The following GNB1 variants were observed in gnomAD, a reference collection of about 807,000 sequenced individuals.
The protein encoded by GNB1 is G protein subunit beta 1.
GNB1 carries 2 observed loss-of-function variants against 42.9 expected under a neutral mutation model. That is an observed-to-expected ratio of 0.05 (90% confidence interval 0.02 to 0.15). The LOEUF is 0.15. Ranked by LOEUF, GNB1 falls within the 10% of genes least tolerant of loss-of-function variation. GNB1 has a pLI of 1.00. For synonymous variants in GNB1, 183 were observed against 174.7 expected (o/e 1.05, Z -0.38); for missense variants, 193 against 462.2 (o/e 0.42, Z 5.34).
intron 1 of GNB1, among the ~76,000 whole-genome samples, chr1:1,865,279 C>CCAA (rs962020126): frequency 1.6e-5 from 2 of 126,980 alleles, no homozygotes; most frequent in African/African-American, 6.0e-5. Context: ...AAAAAAAAAA[C>CCAA]AAAAAAAAAC....
At chr1:1,802,779 AGAC>A (rs969135639) in intron 7 of GNB1, among the ~76,000 whole-genome samples, 3 of 151,618 alleles carry the variant, frequency 2.0e-5, no homozygotes, top group African/African-American at 7.3e-5. Flanking sequence ...AAAAAAAAAA[AGAC>A]AATATGAAAC....
intron 1 of GNB1, among the ~76,000 whole-genome samples, chr1:1,872,405 G>A (rs555939713): frequency 1.8e-4 from 28 of 152,294 alleles, no homozygotes; most frequent in African/African-American, 5.5e-4. Flanking sequence ...CCATCTGCAC[G>A]AGGACCCTCA....
rs139407879 is a variant in GNB1 at position 1,859,830 on chromosome 1, C to T, written c.-95-20592G>A. ...TCGAGATCGACCATCCTTGCCAACA[C>T]GGTAAACCCCTGTTCTCTACTAAAA... On this transcript the variant is annotated intron_variant, in intron 1 of 11. Transcript: ENST00000378609. Among the ~76,000 whole-genome samples the T allele has an allele frequency of 4.5e-3, 657 of 146,612 alleles. 3 individuals carry two copies. Among genetic ancestry groups the T allele is most frequent in the Middle Eastern group, 0.018 (5 of 278 alleles).
At chr1:1,796,036 T>C (rs1646542073) in intron 7 of GNB1, among the ~76,000 whole-genome samples, 1 of 152,252 alleles carries the variant, frequency 6.6e-6, no homozygotes, top group African/African-American at 2.4e-5. Context: ...ACGCATTTAA[T>C]AGGAAAACCA....
chr1:1,878,945 C>G (rs539142285), intron 1 of GNB1, among the ~76,000 whole-genome samples: 1 of 152,176 alleles, frequency 6.6e-6, no homozygotes, highest in Admixed American at 6.5e-5. Flanking sequence ...CTCAGAATAC[C>G]TTCTGTGGGT....
At position 1,787,251 on chromosome 1, in the gene GNB1, A is replaced by T; in HGVS notation, c.*9+71T>A. On this transcript the variant is annotated intron_variant, in intron 11 of 11. Coordinates refer to ENST00000378609, the MANE Select transcript of GNB1 (RefSeq NM_002074.5). This position sits in a 1 kb window ranked among gnomAD's most constrained non-coding sequence, Gnocchi z 4.4. ...AACATTTATCTAGAAACCGTTAATG[A>T]CAACTTCAAATGTTCTATGAGAAAC... 1 of 790,702 alleles carries T rather than the reference A, an allele frequency of 1.3e-6. No individual in the cohort carries two copies. Among genetic ancestry groups the T allele is most frequent in the Admixed American group, 2.2e-5 (1 of 45,574 alleles). 49.0% of individuals were successfully genotyped at this position (790,702 alleles called of 1,614,324 possible).
chr1:1,873,460 G>A (rs888291775), intron 1 of GNB1, among the ~76,000 whole-genome samples: 25 of 152,194 alleles, frequency 1.6e-4, no homozygotes, highest in African/African-American at 5.6e-4. Context: ...CCTTGCTAGC[G>A]TGGCCAGCAC....
Position 1,804,526 on chromosome 1 carries a change from G to C in GNB1, c.323C>G (p.Ser108Cys). The C allele has an allele frequency of 6.2e-7, 1 of 1,613,484 alleles. No individual in the cohort carries two copies. Among genetic ancestry groups the C allele is most frequent in the Non-Finnish European group, 8.5e-7 (1 of 1,179,444 alleles). The change falls in exon 7 of 12, where the codon TCT becomes TGT. Residue 108 changes from serine (S) to cysteine (C), a missense_variant. By Grantham distance (112) the Ser-to-Cys change is moderately radical. Transcript: ENST00000378609. ...GCCACCGCAGGCCACATAGTTCCCA[G>C]AAGGGGCATATGCACAGGTCATGAC... ...SWVMTCAYAPSGNYVACGGLD... is the reference protein window; with the variant it reads ...SWVMTCAYAPCGNYVACGGLD...
intron 6 of GNB1, 89 bp downstream of exon 6, chr1:1,806,386 G>A (rs1445962316): frequency 2.5e-6 from 2 of 799,702 alleles, no homozygotes; most frequent in South Asian, 3.1e-5. Context: ...TCCCTATCCT[G>A]TATTACGTGA....
intron 7 of GNB1, among the ~76,000 whole-genome samples, chr1:1,795,584 C>A (rs1434751602): frequency 1.3e-5 from 2 of 152,046 alleles, no homozygotes; most frequent in Non-Finnish European, 2.9e-5. Flanking sequence ...CCCGTCTCTA[C>A]TAAAAATATA....
intron 5 of GNB1, among the ~76,000 whole-genome samples, chr1:1,809,441 G>GCAC (rs778763401): frequency 1.6e-4 from 24 of 152,110 alleles, no homozygotes; most frequent in Non-Finnish European, 2.8e-4. Context: ...GTAAGCCACC[G>GCAC]CACCCAGCCT....
intron 5 of GNB1, among the ~76,000 whole-genome samples, chr1:1,807,671 G>A (rs1309005314): frequency 4.0e-5 from 6 of 151,836 alleles, no homozygotes; most frequent in South Asian, 4.2e-4. Flanking sequence ...CGCATGGTCC[G>A]GGAGCAGAGA....
intron 1 of GNB1, among the ~76,000 whole-genome samples, chr1:1,866,174 A>G (rs534018401): frequency 1.3e-5 from 2 of 152,346 alleles, no homozygotes; most frequent in East Asian, 1.9e-4. Flanking sequence ...TCCTGACCTC[A>G]GGTGATCCAC....
rs372278494 is a variant in GNB1 at position 1,875,856 on chromosome 1, T to C, written c.-96+14964A>G. On this transcript the variant is annotated intron_variant, in intron 1 of 11. Transcript: ENST00000378609. ...ACAGTGTCCCCCCCCCCAAAATTCA[T>C]GTCTACCTGGAACCTGGGAATGTGA... Among the ~76,000 whole-genome samples, 168 of 151,890 alleles carry C rather than the reference T, an allele frequency of 1.1e-3. 1 individual carries two copies. The highest frequency in any genetic ancestry group is 3.9e-3 in the African/African-American group (162 of 41,448).
At chr1:1,885,491 TG>T (rs1328284253) in intron 1 of GNB1, among the ~76,000 whole-genome samples, 1 of 151,080 alleles carries the variant, frequency 6.6e-6, no homozygotes, top group Non-Finnish European at 1.5e-5. Context: ...TTTTAAAAAA[TG>T]GGTCTTTCTC....
chr1:1,825,607 G>C (rs1646987470), intron 2 of GNB1, 108 bp from the exon 3 acceptor site: 1 of 677,334 alleles, frequency 1.5e-6, no homozygotes, highest in Non-Finnish European at 2.7e-6. Flanking sequence ...GCTCAAGCCT[G>C]TAATCCCAGC....
intron 7 of GNB1, among the ~76,000 whole-genome samples, chr1:1,800,494 G>C (rs1646608832): frequency 6.6e-6 from 1 of 152,076 alleles, no homozygotes; most frequent in Non-Finnish European, 1.5e-5. Flanking sequence ...CAACAAAAAG[G>C]AACAAATCTG....
Position 1,790,601 on chromosome 1 carries a change from A to C in GNB1, c.498-5T>G. The C allele has an allele frequency of 2.5e-6, 4 of 1,607,264 alleles. No individual in the cohort carries two copies. The highest frequency in any genetic ancestry group is 3.4e-6 in the Non-Finnish European group (4 of 1,173,914). On this transcript the variant is annotated splice_polypyrimidine_tract_variant and splice_region_variant and intron_variant, in intron 8 of 11. Transcript: ENST00000378609. This position sits in a 1 kb window ranked among gnomAD's most constrained non-coding sequence, Gnocchi z 5.4. ...GTCTCGATGTCCCACAGGGCACTGGAGCAGGAGCGAATGACAAGGGGACAT... is the reference window on the plus strand; with the variant it reads ...GTCTCGATGTCCCACAGGGCACTGGCGCAGGAGCGAATGACAAGGGGACAT...
chr1:1,803,715 G>A (rs1238992939), intron 7 of GNB1, among the ~76,000 whole-genome samples: 3 of 152,098 alleles, frequency 2.0e-5, no homozygotes, highest in East Asian at 1.9e-4. Flanking sequence ...CGGGCGCAGC[G>A]GCTCACGCCT....
Sources: allele counts gnomAD v4.1 joint callset (sites outside exome capture counted in the v4.1 genomes callset), GRCh38; gene constraint gnomAD v4.1.1; non-coding constraint Gnocchi (gnomAD v3.1); transcripts MANE v1.5; gene names NCBI Gene and HGNC (gene_info 2026-07-23, HGNC 2026-07-21).